The following DTX1 variants were observed in gnomAD, a reference collection of about 807,000 sequenced individuals.
DTX1 encodes the protein E3 ubiquitin-protein ligase DTX1.
Under a neutral mutation model 57.8 loss-of-function variants are expected in DTX1, and 26 were observed. That is an observed-to-expected ratio of 0.45 (90% confidence interval 0.33 to 0.62). DTX1 has a LOEUF of 0.62. DTX1 is among the 20% of genes least tolerant of loss of function. The pLI is 0.02. For missense variants in DTX1, 704 were observed against 895.3 expected (o/e 0.79, Z 2.73); for synonymous variants, 398 against 394.1 (o/e 1.01, Z -0.12).
intron 1 of DTX1, among the ~76,000 whole-genome samples, 198 bp from the exon 2 acceptor site, chr12:113,057,251 C>T (rs12813843): frequency 6.6e-6 from 1 of 152,120 alleles, no homozygotes; most frequent in East Asian, 1.9e-4. Flanking sequence ...GGCGGAGAGT[C>T]TCGGAAAACC....
At chr12:113,063,325 G>T (rs2044679211) in intron 2 of DTX1, among the ~76,000 whole-genome samples, 1 of 152,206 alleles carries the variant, frequency 6.6e-6, no homozygotes, top group African/African-American at 2.4e-5. Context: ...CTTCCCTGGG[G>T]GGTCATTTAC....
In DTX1 at chr12:113,093,387, G is replaced by T. The variant is rs569459920; in HGVS notation, c.1004-152G>T. ...ACAGGGCGGGCGTGGCCCGCAGAAA[G>T]GCCCTTCAGGGGCCTTCAAGGGGCT... On this transcript the variant is annotated intron_variant, in intron 4 of 9. Transcript: ENST00000548759. The surrounding 1 kb of genome is among the most constrained non-coding windows in gnomAD (Gnocchi z 4.2). The T allele has an allele frequency of 1.5e-6, 2 of 1,335,490 alleles. No homozygotes were observed. Among genetic ancestry groups the T allele is most frequent in the African/African-American group, 1.5e-5 (1 of 67,428 alleles). The allele number at this position is 1,335,490 out of a possible 1,614,324, so 82.7% of individuals were successfully genotyped here.
At chr12:113,082,749 C>T (rs1341529406) in intron 3 of DTX1, among the ~76,000 whole-genome samples, 1 of 152,194 alleles carries the variant, frequency 6.6e-6, no homozygotes, top group Non-Finnish European at 1.5e-5. Flanking sequence ...GCACGCACCA[C>T]CACACCCAGC....
chr12:113,087,407 C>T (rs926239253), intron 3 of DTX1, among the ~76,000 whole-genome samples: 3 of 152,018 alleles, frequency 2.0e-5, no homozygotes, highest in Non-Finnish European at 4.4e-5. Context: ...GGCACCTGGT[C>T]CCCCGGGCTT....
intron 2 of DTX1, among the ~76,000 whole-genome samples, chr12:113,075,326 C>A (rs1211638359): frequency 6.6e-6 from 1 of 152,190 alleles, no homozygotes; most frequent in Non-Finnish European, 1.5e-5. Context: ...TGTTCTCACT[C>A]ACTCCTCCCC....
rs1383831737 is a variant in DTX1 at position 113,056,809 on chromosome 12, C to T, written c.-880C>T. On this transcript the variant is annotated 5_prime_UTR_variant, in exon 1 of 10. Coordinates refer to ENST00000548759, the MANE Select transcript of DTX1 (RefSeq NM_004416.3). ...GCAGTCTGTCCACGCGCGGAAAGCT[C>T]GGCGCGGCGGCCGAGGGGCCTGGGA... 6.6e-6 allele frequency: 1 copy of T among 152,144 alleles called. No homozygotes were observed. Among genetic ancestry groups the T allele is most frequent in the Admixed American group, 6.5e-5 (1 of 15,282 alleles). The allele number at this position is 152,144 out of a possible 1,614,324, so 9.4% of individuals were successfully genotyped here.
rs150200049 is a variant in DTX1 at position 113,094,092 on chromosome 12, C to T, written c.1220C>T (p.Pro407Leu). The T allele has an allele frequency of 2.7e-6, 3 of 1,106,288 alleles. No homozygotes were observed. Among genetic ancestry groups the T allele is most frequent in the Non-Finnish European group, 4.0e-6 (3 of 757,948 alleles). The allele number at this position is 1,106,288 out of a possible 1,614,324, so 68.5% of individuals were successfully genotyped here. A position where few individuals can be genotyped will look rare whatever the true frequency, so the allele number is the denominator to read the frequency against. The change falls in exon 6 of 10, where the codon CCT (proline) becomes CTT (leucine). Residue 407 changes from proline (P) to leucine (L), a missense_variant. Physicochemically the swap from Pro to Leu is moderately conservative, Grantham distance 98. This residue lies in a region of DTX1 where 299 missense variants were observed against 311.2 expected (regional missense o/e 0.96). Coordinates refer to ENST00000548759, the MANE Select transcript of DTX1 (RefSeq NM_004416.3). ...TACATGCAGAAGGTGAAAAACCCAC[C>T]TGATGAGGTGAGGAGGGGATGGGGG... ...RRYMQKVKNP[P>L]DEDCTICMER...
At position 113,057,946 on chromosome 12, in the gene DTX1, T is replaced by A; in HGVS notation, c.-247T>A. ...GTTTCCTCCGGCATAAGAGAGACAC[T>A]TGCTTTCCAGGGCAGCACCCTTTAT... On this transcript the variant is annotated 5_prime_UTR_variant, in exon 2 of 10. The change creates a new upstream start codon in the 5' untranslated region. Transcript: ENST00000548759. 1.7e-6 allele frequency: 1 copy of A among 595,532 alleles called. No homozygotes were observed. Among genetic ancestry groups the A allele is most frequent in the Admixed American group, 3.4e-5 (1 of 29,028 alleles). 36.9% of individuals were successfully genotyped at this position (595,532 alleles called of 1,614,324 possible).
In DTX1 at chr12:113,077,397, G is replaced by A; in HGVS notation, c.260-27G>A. The A allele has an allele frequency of 1.3e-6, 2 of 1,574,666 alleles. No homozygotes were observed. The highest frequency in any genetic ancestry group is 1.7e-6 in the Non-Finnish European group (2 of 1,166,162). On this transcript the variant is annotated intron_variant, in intron 2 of 9. Transcript: ENST00000548759. This position sits in a 1 kb window ranked among gnomAD's most constrained non-coding sequence, Gnocchi z 7.8. ...CGCGCAGACCAACGCCCGCTGTGCT[G>A]ACGCCTCCTCCCCATTTCGAGTACA...
intron 3 of DTX1, among the ~76,000 whole-genome samples, chr12:113,083,366 C>A (rs942752843): frequency 1.3e-5 from 2 of 152,118 alleles, no homozygotes; most frequent in Non-Finnish European, 2.9e-5. Flanking sequence ...TGCTCTGTTA[C>A]CCAGGCTGGA....
chr12:113,091,003 G>A (rs563547565), intron 3 of DTX1, among the ~76,000 whole-genome samples: 4 of 152,348 alleles, frequency 2.6e-5, no homozygotes, highest in African/African-American at 7.2e-5. Context: ...GTGTGTCCGC[G>A]TGTGGACGGC....
chr12:113,066,467 G>A (rs149938685), intron 2 of DTX1, among the ~76,000 whole-genome samples: 6,213 of 151,792 alleles, frequency 0.041, 406 homozygotes, highest in African/African-American at 0.14. Flanking sequence ...GGTGGAGGTA[G>A]CAGTGAGCTG....
At chr12:113,095,611 C>G (rs1950284336) in intron 9 of DTX1, 197 bp downstream of exon 9, 2 of 652,084 alleles carry the variant, frequency 3.1e-6, no homozygotes, top group East Asian at 2.8e-5. Flanking sequence ...GGTCAAGATC[C>G]TGACCCCATT....
intron 3 of DTX1, among the ~76,000 whole-genome samples, chr12:113,085,334 G>A (rs2044849326): frequency 6.6e-6 from 1 of 152,208 alleles, no homozygotes; most frequent in Non-Finnish European, 1.5e-5. Context: ...ACAGGCGTGA[G>A]CCACAGTGCC....
intron 2 of DTX1, among the ~76,000 whole-genome samples, chr12:113,065,050 G>C (rs1223313445): frequency 6.6e-6 from 1 of 152,206 alleles, no homozygotes; most frequent in Non-Finnish European, 1.5e-5. Context: ...GGGAGATAGG[G>C]GATGGGTAGA....
intron 3 of DTX1, among the ~76,000 whole-genome samples, chr12:113,089,495 G>A (rs774833229): frequency 1.3e-5 from 2 of 152,220 alleles, no homozygotes; most frequent in Non-Finnish European, 2.9e-5. Flanking sequence ...AGCTAGGGGT[G>A]AAGGCTGGCT....
At position 113,097,211 on chromosome 12, in the gene DTX1, A is replaced by C; in HGVS notation, c.*272A>C. On this transcript the variant is annotated 3_prime_UTR_variant, in exon 10 of 10. Coordinates refer to ENST00000548759, the MANE Select transcript of DTX1 (RefSeq NM_004416.3). ...GAGACCCGCCCCCTCACACACAAAC[A>C]CACATGTCCTGTTGAACTCATGCAC... is the stretch of plus-strand genomic sequence containing the variant. 2 of 458,154 alleles carry C rather than the reference A, an allele frequency of 4.4e-6. No individual in the cohort carries two copies. The highest frequency in any genetic ancestry group is 4.0e-6 in the Non-Finnish European group (1 of 251,006). The allele number at this position is 458,154 out of a possible 1,614,324, so 28.4% of individuals were successfully genotyped here. A position where few individuals can be genotyped will look rare whatever the true frequency, so the allele number is the denominator to read the frequency against.
At chr12:113,065,337 G>C (rs1442713962) in intron 2 of DTX1, among the ~76,000 whole-genome samples, 1 of 152,174 alleles carries the variant, frequency 6.6e-6, no homozygotes, top group South Asian at 2.1e-4. Flanking sequence ...GAGAAGAGAC[G>C]GGTCTGAGAT....
At chr12:113,088,705 T>C (rs1950223568) in intron 3 of DTX1, among the ~76,000 whole-genome samples, 1 of 152,168 alleles carries the variant, frequency 6.6e-6, no homozygotes, top group African/African-American at 2.4e-5. Flanking sequence ...AATAAAGTGG[T>C]TGCGGCCAGG....
Sources: allele counts gnomAD v4.1 joint callset (sites outside exome capture counted in the v4.1 genomes callset), GRCh38; gene constraint gnomAD v4.1.1; regional missense constraint gnomAD v4.1.1; non-coding constraint Gnocchi (gnomAD v3.1); transcripts MANE v1.5; gene names NCBI Gene and HGNC (gene_info 2026-07-23, HGNC 2026-07-21).